Variants in SEC23B observed in about 807,000 individuals in gnomAD.
The protein encoded by SEC23B is protein transport protein Sec23B.
In SEC23B, 77 loss-of-function variants were observed where a neutral mutation model predicts 104.3. The observed-to-expected ratio is 0.74, with a 90% confidence interval of 0.61 to 0.89. The LOEUF is 0.89. Among genes scored for constraint, SEC23B ranks in the 40% least tolerant of loss-of-function variants. SEC23B has a pLI of 0.00. For synonymous variants in SEC23B, 338 were observed against 332.5 expected (o/e 1.02, Z -0.18); for missense variants, 885 against 949.4 (o/e 0.93, Z 0.89).
intron 16 of SEC23B, among the ~76,000 whole-genome samples, chr20:18,550,331 G>T (rs896092024): frequency 6.6e-6 from 1 of 151,714 alleles, no homozygotes. Context: ...AATTTTTTGT[G>T]TTTTTGGTAG....
chr20:18,508,319 A>T (rs904714900), intron 1 of SEC23B: 8 of 152,224 alleles, frequency 5.3e-5, no homozygotes, highest in African/African-American at 1.7e-4. Context: ...CCCTTCAAGG[A>T]TTAAACCTCA....
intron 14 of SEC23B, among the ~76,000 whole-genome samples, chr20:18,544,171 T>G (rs1033076566): frequency 6.6e-6 from 1 of 152,172 alleles, no homozygotes; most frequent in African/African-American, 2.4e-5. Context: ...AATTGGCACA[T>G]GATAATCTTA....
intron 4 of SEC23B, among the ~76,000 whole-genome samples, 178 bp from the exon 5 acceptor site, chr20:18,524,255 T>G (rs1164366092): frequency 2.0e-5 from 3 of 152,240 alleles, no homozygotes; most frequent in Non-Finnish European, 2.9e-5. Flanking sequence ...GTTTTTATCT[T>G]TAGTTTGATT....
chr20:18,537,395 G>C (rs565828795), intron 12 of SEC23B, among the ~76,000 whole-genome samples: 1 of 151,696 alleles, frequency 6.6e-6, no homozygotes, highest in Non-Finnish European at 1.5e-5. Context: ...ATACACCATG[G>C]AATACTATGC....
At chr20:18,528,995 CTA>C (rs1031972205) in intron 9 of SEC23B, among the ~76,000 whole-genome samples, 3 of 152,178 alleles carry the variant, frequency 2.0e-5, no homozygotes, top group African/African-American at 7.2e-5. Flanking sequence ...TTCTTTGGTG[CTA>C]GTCACACCTT....
At chr20:18,538,338 C>T (rs1179839479) in intron 12 of SEC23B, among the ~76,000 whole-genome samples, 2 of 151,006 alleles carry the variant, frequency 1.3e-5, no homozygotes, top group Admixed American at 1.3e-4. Flanking sequence ...CAAGCTTCGC[C>T]TCCTGGGTTC....
intron 14 of SEC23B, among the ~76,000 whole-genome samples, chr20:18,545,371 C>G (rs1369799648): frequency 1.3e-5 from 2 of 152,160 alleles, no homozygotes; most frequent in Admixed American, 1.3e-4. Context: ...GGGCAGTCAC[C>G]TGGCTCATGC....
chr20:18,532,379 T>C (rs2060195246), intron 10 of SEC23B, among the ~76,000 whole-genome samples: 1 of 152,240 alleles, frequency 6.6e-6, no homozygotes, highest in African/African-American at 2.4e-5. Flanking sequence ...TGTAGTATTG[T>C]TAGAATTGTT....
Position 18,543,027 on chromosome 20 carries a change from A to C in SEC23B, c.1520A>C (p.Asp507Ala). The change falls in exon 14 of 20, where the codon GAT (aspartate) becomes GCT (alanine). Residue 507 changes from aspartate to alanine, a missense_variant. Physicochemically the swap from Asp to Ala is moderately radical, Grantham distance 126. Transcript: ENST00000650089. ...AACTCTGGAATTGTCAGTTGGGCAGATGTACAGAGTCAGCTCAGGCACATA... is the reference window on the plus strand; with the variant it reads ...AACTCTGGAATTGTCAGTTGGGCAGCTGTACAGAGTCAGCTCAGGCACATA... ...RVTTIARNWA[D>A]VQSQLRHIEA... is the part of the protein sequence containing the mutation. 6.2e-7 allele frequency: 1 copy of C among 1,614,204 alleles called. No homozygotes were observed. Among genetic ancestry groups the C allele is most frequent in the African/African-American group, 1.3e-5 (1 of 75,070 alleles).
chr20:18,515,296 A>G (rs192493036), intron 3 of SEC23B, among the ~76,000 whole-genome samples: 1 of 152,310 alleles, frequency 6.6e-6, no homozygotes, highest in Admixed American at 6.5e-5. Flanking sequence ...CAGAATAAAT[A>G]CATGGTCATT....
At position 18,551,017 on chromosome 20, in the gene SEC23B, G is replaced by T. The variant is rs2060382343; in HGVS notation, c.1906-72G>T. On this transcript the variant is annotated intron_variant, in intron 16 of 19. Transcript: ENST00000650089. ...CTGTGGATACCAGGCATGGGATCAGGGTCGGGTGGAAGTGGTTGCTGTGTG... is the reference window on the plus strand; with the variant it reads ...CTGTGGATACCAGGCATGGGATCAGTGTCGGGTGGAAGTGGTTGCTGTGTG... The T allele has an allele frequency of 5.5e-6, 5 of 910,758 alleles. No homozygotes were observed. In the South Asian group the frequency reaches 6.5e-5, roughly 12 times the overall value. 56.4% of individuals were successfully genotyped at this position (910,758 alleles called of 1,614,324 possible).
At chr20:18,554,055 TTCCTCCTGCTTC>T (rs928910192) in intron 17 of SEC23B, among the ~76,000 whole-genome samples, 168 bp from the exon 18 acceptor site, 8 of 152,172 alleles carry the variant, frequency 5.3e-5, no homozygotes, top group African/African-American at 1.4e-4. Context: ...CGGGGGCATT[TTCCTCCTGCTTC>T]TCCTCCTGCC....
rs766193892 is a variant in SEC23B at position 18,523,413 on chromosome 20, T to TTTC, written c.367-1020_367-1019insTTC. On this transcript the variant is annotated intron_variant, in intron 4 of 19. Coordinates refer to ENST00000650089, the MANE Select transcript of SEC23B (RefSeq NM_006363.6). ...CTTTCCTTTCTTTTTTTTTTTTTTT[T>TTTC]CTTTTTTTAGACAGAGCCTTGCTCT... Among the ~76,000 whole-genome samples the TTTC allele has an allele frequency of 3.3e-4, 49 of 148,672 alleles. No individual in the cohort carries two copies. In the East Asian group the frequency reaches 7.4e-3, roughly 23 times the overall value.
chr20:18,524,727 G>A, intron 5 of SEC23B, 58 bp downstream of exon 5: 1 of 1,419,810 alleles, frequency 7.0e-7, no homozygotes, highest in East Asian at 2.3e-5. Flanking sequence ...AAGAGACTGG[G>A]GTCTCTTTAA....
intron 3 of SEC23B, 60 bp downstream of exon 3, chr20:18,512,342 A>G: frequency 3.6e-6 from 4 of 1,125,468 alleles, no homozygotes; most frequent in Non-Finnish European, 5.3e-6. Flanking sequence ...TATGAAAAAA[A>G]TTAAGTTAGG....
At chr20:18,526,246 C>G in intron 7 of SEC23B, 127 bp from the exon 8 acceptor site, 1 of 1,071,294 alleles carries the variant, frequency 9.3e-7, no homozygotes. Flanking sequence ...CTGTATTATT[C>G]TGCATTATCA....
rs755306720 is a variant in SEC23B, at chr20:18,560,657, G to A, written c.2221G>A (p.Gly741Arg). The change falls in exon 20 of 20, where the codon GGA (glycine) becomes AGA (arginine). Residue 741 changes from glycine (G) to arginine (R), a missense_variant. Transcript: ENST00000650089. ...CTTTATCATTACATTTCAGGAAACT[G>A]GAGCACCCATCCTAACTGATGATGT... ...NNLYAWGQET[G>R]APILTDDVSL... is the part of the protein sequence containing the mutation. 6.2e-7 allele frequency: 1 copy of A among 1,613,424 alleles called. No individual in the cohort carries two copies. Among genetic ancestry groups the A allele is most frequent in the Non-Finnish European group, 8.5e-7 (1 of 1,179,388 alleles).
intron 4 of SEC23B, among the ~76,000 whole-genome samples, chr20:18,522,507 T>C (rs2060092992): frequency 1.3e-5 from 2 of 152,160 alleles, no homozygotes; most frequent in African/African-American, 2.4e-5. Context: ...CTTACCCGAT[T>C]TGAAATTGGT....
chr20:18,543,726 T>A (rs2060309318), intron 14 of SEC23B, among the ~76,000 whole-genome samples: 1 of 150,870 alleles, frequency 6.6e-6, no homozygotes, highest in Non-Finnish European at 1.5e-5. Context: ...CCAGGGCTGA[T>A]CCAGACCTAG....
Sources: gnomAD v4.1 joint callset for allele counts (sites outside exome capture counted in the v4.1 genomes callset) on GRCh38, gnomAD v4.1.1 for gene constraint, MANE v1.5 for transcripts, NCBI Gene and HGNC (gene_info 2026-07-23, HGNC 2026-07-21) for gene names.